IQGAP1: variants seen among roughly 807,000 people sequenced by gnomAD.
The protein encoded by IQGAP1 is IQ motif containing GTPase activating protein 1.
In IQGAP1, 66 loss-of-function variants were observed where a neutral mutation model predicts 215.6. That is an observed-to-expected ratio of 0.31 (90% CI 0.25 to 0.38). The LOEUF (loss-of-function observed/expected upper bound fraction) is 0.38, where lower values mean the gene tolerates loss of function less well. Ranked by LOEUF, IQGAP1 falls within the 10% of genes least tolerant of loss-of-function variation. The pLI, the probability that IQGAP1 is intolerant of heterozygous loss-of-function variation, is 1.00. For missense variants in IQGAP1, 1,712 were observed against 1,997.1 expected (o/e 0.86, Z 2.72); for synonymous variants, 772 against 728.7 (o/e 1.06, Z -0.96).
At position 90,469,945 on chromosome 15, in the gene IQGAP1, G is replaced by T. The variant is rs1965883284; in HGVS notation, c.2178+2353G>T. 2.0e-5 allele frequency among the ~76,000 whole-genome samples: 3 copies of T among 152,114 alleles called. No individual in the cohort carries two copies. In the South Asian group the frequency reaches 6.2e-4, roughly 31 times the overall value. ...CAAGAGGCCCAGGTTGAAGCTTGAG[G>T]GCCTAATGTGCTGTGCTAAGGAATT... On this transcript the variant is annotated intron_variant, in intron 18 of 37. Coordinates refer to ENST00000268182, the MANE Select transcript of IQGAP1 (RefSeq NM_003870.4).
chr15:90,453,349 T>G, intron 13 of IQGAP1, 57 bp downstream of exon 13: 1 of 1,316,872 alleles, frequency 7.6e-7, no homozygotes, highest in Non-Finnish European at 1.0e-6. Flanking sequence ...CCCTGTCTTT[T>G]GTATGTCAGT....
rs1966324162 is a variant in IQGAP1, at chr15:90,500,185, A to G, written c.*77A>G. 2.5e-6 allele frequency: 2 copies of G among 806,674 alleles called. No individual in the cohort carries two copies. Among genetic ancestry groups the G allele is most frequent in the Non-Finnish European group, 4.2e-6 (2 of 473,514 alleles). 50.0% of individuals were successfully genotyped at this position (806,674 alleles called of 1,614,324 possible). On this transcript the variant is annotated 3_prime_UTR_variant, in exon 38 of 38. Transcript: ENST00000268182. The stretch of plus-strand genomic sequence containing the variant: ...CTCCTTTCTAGGTCCTTCTTTCCTC[A>G]TTGGAAGCAAAGACCTAGCCAACAA...
In IQGAP1 at chr15:90,501,971, G is replaced by A. The variant is rs1202990419; in HGVS notation, c.*1863G>A. ...GTGTAAAATGCGCTTCAAGAATGTT[G>A]ATGATGATGATATAGAATTGTGGCT... is the stretch of plus-strand genomic sequence containing the variant. On this transcript the variant is annotated 3_prime_UTR_variant, in exon 38 of 38. Coordinates refer to ENST00000268182, the MANE Select transcript of IQGAP1 (RefSeq NM_003870.4). 2.0e-5 allele frequency: 3 copies of A among 152,582 alleles called. No homozygotes were observed. The highest frequency in any genetic ancestry group is 7.2e-5 in the African/African-American group (3 of 41,562). 9.5% of individuals were successfully genotyped at this position (152,582 alleles called of 1,614,324 possible).
chr15:90,482,318 A>C, intron 28 of IQGAP1, 37 bp downstream of exon 28: 1 of 1,598,544 alleles, frequency 6.3e-7, no homozygotes. Context: ...CTGCCCTTTG[A>C]GGACAAAGCA....
intron 34 of IQGAP1, chr15:90,491,783 A>G (rs1408633742): frequency 2.2e-6 from 1 of 455,202 alleles, no homozygotes; most frequent in Non-Finnish European, 3.9e-6. Context: ...ACCTTAAAGA[A>G]TTTGTCTTCA....
At chr15:90,463,621 G>A (rs1428047735) in intron 15 of IQGAP1, among the ~76,000 whole-genome samples, 7 of 152,146 alleles carry the variant, frequency 4.6e-5, no homozygotes, top group Non-Finnish European at 1.0e-4. Flanking sequence ...GTAATAGAAA[G>A]CGACTAGTGG....
intron 33 of IQGAP1, 143 bp from the exon 34 acceptor site, chr15:90,491,190 T>C: frequency 3.1e-6 from 2 of 654,902 alleles, no homozygotes; most frequent in South Asian, 3.9e-5. Context: ...CATCTATCAT[T>C]TGGCAGGGGG....
intron 3 of IQGAP1, among the ~76,000 whole-genome samples, chr15:90,428,284 C>T (rs995782872): frequency 6.0e-5 from 9 of 149,732 alleles, no homozygotes; most frequent in Non-Finnish European, 3.0e-5. Context: ...ACTATGTTGC[C>T]CAGGTTGGTC....
At chr15:90,402,370 T>A (rs1964816036) in intron 2 of IQGAP1, among the ~76,000 whole-genome samples, 1 of 152,210 alleles carries the variant, frequency 6.6e-6, no homozygotes, top group African/African-American at 2.4e-5. Flanking sequence ...TGGCAAGAAC[T>A]GTATTTTTGG....
intron 11 of IQGAP1, 52 bp from the exon 12 acceptor site, chr15:90,452,723 C>T (rs1242549930): frequency 1.3e-6 from 2 of 1,572,582 alleles, no homozygotes; most frequent in Admixed American, 1.8e-5. Context: ...CACCTTCTTC[C>T]CCTGAGGGCT....
chr15:90,491,011 G>GTTAGTCAGGTTTCATCC (rs1966195770), intron 33 of IQGAP1, among the ~76,000 whole-genome samples: 2 of 152,100 alleles, frequency 1.3e-5, no homozygotes, highest in Admixed American at 6.5e-5. Context: ...CGGTTTCACC[G>GTTAGTCAGGTTTCATCC]TGTTAGTCAG....
At chr15:90,494,919 T>A (rs1596295754) in intron 36 of IQGAP1, 84 bp downstream of exon 36, 1 of 951,124 alleles carries the variant, frequency 1.1e-6, no homozygotes, top group East Asian at 2.5e-5. Flanking sequence ...ATTTCTCTTT[T>A]CTGGATGGTT....
intron 18 of IQGAP1, among the ~76,000 whole-genome samples, chr15:90,471,574 A>T (rs972417150): frequency 1.1e-4 from 17 of 150,762 alleles, no homozygotes; most frequent in African/African-American, 3.9e-4. Context: ...ATCTTGGCTC[A>T]CCACAGCTTC....
At chr15:90,466,496 A>C in intron 17 of IQGAP1, 60 bp downstream of exon 17, 3 of 1,485,634 alleles carry the variant, frequency 2.0e-6, no homozygotes, top group African/African-American at 1.4e-5. Context: ...ATGAGGGGAC[A>C]GATGTAGAGG....
chr15:90,393,469 ACTG>A (rs1964666648), intron 2 of IQGAP1: 17 of 151,712 alleles, frequency 1.1e-4, no homozygotes, highest in African/African-American at 4.1e-4. Context: ...TTTTTTTCTG[ACTG>A]TTTTTGATCC....
chr15:90,481,269 C>CTTTTTTTTTTTTTTTTTT (rs57452745), intron 26 of IQGAP1, among the ~76,000 whole-genome samples: 14 of 113,176 alleles, frequency 1.2e-4, no homozygotes, highest in African/African-American at 4.3e-4. Flanking sequence ...CTCTCTGCCT[C>CTTTTTTTTTTTTTTTTTT]TTTTTTTTTT....
At chr15:90,390,697 A>G in intron 1 of IQGAP1, 77 bp from the exon 2 acceptor site, 1 of 990,914 alleles carries the variant, frequency 1.0e-6, no homozygotes, top group Non-Finnish European at 1.6e-6. Context: ...GTGGCAGGAA[A>G]TTGATTCTGT....
intron 19 of IQGAP1, 40 bp from the exon 20 acceptor site, chr15:90,473,661 CTTCCATTGATGCTT>C: frequency 7.7e-7 from 1 of 1,303,036 alleles, no homozygotes; most frequent in Non-Finnish European, 1.1e-6. Flanking sequence ...TTTTTTTTAA[CTTCCATTGATGCTT>C]GGGAAGTAAT....
In IQGAP1 at chr15:90,500,148, A is replaced by G. The variant is rs753554645; in HGVS notation, c.*40A>G. 2.1e-5 allele frequency: 23 copies of G among 1,102,556 alleles called. No homozygotes were observed. Among genetic ancestry groups the G allele is most frequent in the Non-Finnish European group, 3.2e-5 (23 of 717,602 alleles). The allele number at this position is 1,102,556 out of a possible 1,614,324, so 68.3% of individuals were successfully genotyped here. A position where few individuals can be genotyped will look rare whatever the true frequency, so the allele number is the denominator to read the frequency against. ...CCAGCCCAGAAGGATGAAGGAAAGAAGCACCTCACAGCTCCTTTCTAGGTC... is the reference window on the plus strand; with the variant it reads ...CCAGCCCAGAAGGATGAAGGAAAGAGGCACCTCACAGCTCCTTTCTAGGTC... On this transcript the variant is annotated 3_prime_UTR_variant, in exon 38 of 38. Coordinates refer to ENST00000268182, the MANE Select transcript of IQGAP1 (RefSeq NM_003870.4).
Sources: gnomAD v4.1 joint callset for allele counts (sites outside exome capture counted in the v4.1 genomes callset) on GRCh38, gnomAD v4.1.1 for gene constraint, MANE v1.5 for transcripts, NCBI Gene and HGNC (gene_info 2026-07-23, HGNC 2026-07-21) for gene names.